Variants in ZNF665 observed in about 807,000 individuals in gnomAD.
ZNF665 encodes the protein zinc finger protein 665.
Under a neutral mutation model 7.9 loss-of-function variants are expected in ZNF665, and 6 were observed. The observed-to-expected ratio is 0.76, with a 90% confidence interval of 0.42 to 1.50. The LOEUF (loss-of-function observed/expected upper bound fraction) is 1.50. ZNF665 is among the 40% of genes most tolerant of loss of function. The pLI is 0.01. For synonymous variants in ZNF665, 242 were observed against 274.5 expected, an observed-to-expected ratio of 0.88 and a Z score of 1.17; for missense variants, 819 against 806.7, an observed-to-expected ratio of 1.02 and a Z score of -0.18.
At position 53,165,636 on chromosome 19, in the gene ZNF665, G is replaced by A; in HGVS notation, c.854C>T (p.Thr285Ile). 6.2e-7 allele frequency: 1 copy of A among 1,614,058 alleles called. No homozygotes were observed. The highest frequency in any genetic ancestry group is 8.5e-7 in the Non-Finnish European group (1 of 1,180,026). ...CTTACATTTGTAAGGTTTTTCTCCA[G>A]TATGGATGACCTGATGTGTAGTTAG... is the stretch of plus-strand genomic sequence containing the variant. ...SKLTTHQVIH[T>I]GEKPYKCKEC... is the part of the protein sequence containing the mutation. Residue 285 changes from threonine (T) to isoleucine (I), a missense_variant, in exon 4 of 4, where the codon ACT becomes ATT. Transcript: ENST00000396424.
chr19:53,162,954 C>T lies in ZNF665; in HGVS notation c.*1499G>A, dbSNP rs2090575325. The stretch of plus-strand genomic sequence containing the variant: ...TGCATTATTTGTACCACACATCAGT[C>T]CCTAATAAGCTATTACTCTCCTCTA... On this transcript the variant is annotated 3_prime_UTR_variant, in exon 4 of 4. Transcript: ENST00000396424. 1 of 152,162 alleles carries T rather than the reference C, an allele frequency of 6.6e-6. No homozygotes were observed. Among genetic ancestry groups the T allele is most frequent in the African/African-American group, 2.4e-5 (1 of 41,436 alleles). The allele number at this position is 152,162 out of a possible 1,614,324, so 9.4% of individuals were successfully genotyped here.
In ZNF665 at chr19:53,175,709, C is replaced by T. The variant is rs1033595410; in HGVS notation, c.16-138G>A. On this transcript the variant is annotated intron_variant, in intron 2 of 3. Coordinates refer to ENST00000396424, the MANE Select transcript of ZNF665 (RefSeq NM_024733.5). The stretch of plus-strand genomic sequence containing the variant: ...ACACATCCAGGCTGTGATCACGGTA[C>T]ATACAGATTTGATCTTCCTCCCCTT... 6.5e-5 allele frequency: 63 copies of T among 968,534 alleles called. 1 individual carries two copies. In the Middle Eastern group the frequency reaches 1.1e-3, roughly 18 times the overall value. The allele number at this position is 968,534 out of a possible 1,614,324, so 60.0% of individuals were successfully genotyped here.
rs560176422 is a variant in ZNF665, at chr19:53,165,903, T to G, written c.587A>C (p.His196Pro). ...CTTCTCTCCAGTATGAATTCTCTTA[T>G]GACTTGTTAGCCGTGAGTTTTGACT... ...VFSQNSRLTS[H>P]KRIHTGEKPY... is the part of the protein sequence containing the mutation. Residue 196 changes from histidine to proline, a missense_variant, in exon 4 of 4, where the codon CAT (histidine) becomes CCT (proline). Coordinates refer to ENST00000396424, the MANE Select transcript of ZNF665 (RefSeq NM_024733.5). 6.2e-7 allele frequency: 1 copy of G among 1,614,228 alleles called. No individual in the cohort carries two copies. The highest frequency in any genetic ancestry group is 8.5e-7 in the Non-Finnish European group (1 of 1,180,038).
chr19:53,185,431 C>T (rs368016860), intron 1 of ZNF665, among the ~76,000 whole-genome samples: 2 of 152,162 alleles, frequency 1.3e-5, no homozygotes, highest in African/African-American at 2.4e-5. Flanking sequence ...TTTTCCTAGG[C>T]TATGATTACA....
At chr19:53,168,055 CAAAAAAAAAAAAAAAA>C (rs57521729) in intron 3 of ZNF665, among the ~76,000 whole-genome samples, 2 of 66,402 alleles carry the variant, frequency 3.0e-5, no homozygotes, top group African/African-American at 1.1e-4. Flanking sequence ...GACTCCCTCT[CAAAAAAAAAAAAAAAA>C]AAAAAAAAAA....
chr19:53,176,138 G>A (rs34777090), intron 2 of ZNF665, among the ~76,000 whole-genome samples: 24,669 of 151,998 alleles, frequency 0.16, 2,305 homozygotes, highest in Middle Eastern at 0.21. Flanking sequence ...TGCAGCCTGG[G>A]TGACAGAGTG....
chr19:53,192,301 T>G (rs1296480743), intron 1 of ZNF665, among the ~76,000 whole-genome samples: 1 of 152,048 alleles, frequency 6.6e-6, no homozygotes, highest in Non-Finnish European at 1.5e-5. Context: ...GGTCTCCCCC[T>G]GCTGTGGTTC....
At chr19:53,169,407 T>G (rs1009848312) in intron 3 of ZNF665, among the ~76,000 whole-genome samples, 1 of 152,124 alleles carries the variant, frequency 6.6e-6, no homozygotes, top group Non-Finnish European at 1.5e-5. Context: ...ATACCAAGTG[T>G]TAACAAGGAT....
intron 3 of ZNF665, among the ~76,000 whole-genome samples, chr19:53,166,991 ATTTC>A (rs146474857): frequency 2.8e-4 from 42 of 150,784 alleles, no homozygotes; most frequent in East Asian, 1.4e-3. Flanking sequence ...TAACAGTTAT[ATTTC>A]TTTCTTTCTT....
intron 2 of ZNF665, among the ~76,000 whole-genome samples, chr19:53,180,369 G>A (rs2090729243): frequency 6.6e-6 from 1 of 151,726 alleles, no homozygotes; most frequent in Non-Finnish European, 1.5e-5. Flanking sequence ...GGAAGCAGAG[G>A]TTGCAGTGAG....
intron 1 of ZNF665, 95 bp downstream of exon 1, chr19:53,193,217 G>A (rs1162786494): frequency 6.6e-6 from 1 of 152,214 alleles, no homozygotes; most frequent in Non-Finnish European, 1.5e-5. Flanking sequence ...GGAGCCGTGC[G>A]GGGACTTTAA....
At chr19:53,191,857 T>C (rs2090819688) in intron 1 of ZNF665, 1 of 152,098 alleles carries the variant, frequency 6.6e-6, no homozygotes, top group South Asian at 2.1e-4. Flanking sequence ...AAAAAAAAAT[T>C]TGTTAGATTA....
Position 53,166,244 on chromosome 19 carries a change from G to T in ZNF665, c.246C>A (p.Asp82Glu). The T allele has an allele frequency of 6.2e-7, 1 of 1,613,940 alleles. No individual in the cohort carries two copies. ...CTTCCTGGAAGGACAAGCCTACAGT[G>T]TCACAGCTTTCAAGTCTCTCCAACT... ...TVKLERLESC[D>E]TVGLSFQEVQ... Residue 82 changes from aspartate to glutamate, a missense_variant, in exon 4 of 4, where the codon GAC becomes GAA. By Grantham distance (45) the Asp-to-Glu change is conservative. Transcript: ENST00000396424.
chr19:53,166,320 TC>T lies in ZNF665; in HGVS notation c.169del (p.Asp57IlefsTer17). The stretch of plus-strand genomic sequence containing the variant: ...ATTGTTCTTCCCCTTTGGTGGCAAA[TC>T]CGTGTTTACACATTTACAAGAGATA... ...LDISCKCVNT[D>X]LPPKGKNNMG... On this transcript the variant is annotated frameshift_variant, in exon 4 of 4. Transcript: ENST00000396424. LOFTEE classifies it low-confidence loss of function (END_TRUNC). 5 of 1,592,672 alleles carry T rather than the reference TC, an allele frequency of 3.1e-6. No individual in the cohort carries two copies. The highest frequency in any genetic ancestry group is 4.3e-6 in the Non-Finnish European group (5 of 1,170,892).
Position 53,178,222 on chromosome 19 carries a change from G to A in ZNF665, c.16-2651C>T, listed in dbSNP as rs569835713. The stretch of plus-strand genomic sequence containing the variant: ...TTTTGGAAGAATTCATTTATGTAAC[G>A]ACGTGTACCAATGTCTAATAGATTC... On this transcript the variant is annotated intron_variant, in intron 2 of 3. Transcript: ENST00000396424. Among the ~76,000 whole-genome samples the A allele has an allele frequency of 4.6e-5, 7 of 152,302 alleles. No homozygotes were observed. In the South Asian group the frequency reaches 6.2e-4, roughly 14 times the overall value.
rs1317836008 is a variant in ZNF665, at chr19:53,165,485, G to A, written c.1005C>T (p.Thr335=). 2 of 1,612,192 alleles carry A rather than the reference G, an allele frequency of 1.2e-6. No individual in the cohort carries two copies. The highest frequency in any genetic ancestry group is 2.7e-5 in the African/African-American group (2 of 74,318). Residue 335 remains threonine, a synonymous_variant, in exon 4 of 4, where the codon ACC becomes ACT. Coordinates refer to ENST00000396424, the MANE Select transcript of ZNF665 (RefSeq NM_024733.5). Reference sequence around the variant, plus strand: ...TTTCTCCAGTGTGGATTGTCTGATGGGTAGTCAGGCTTGAGCGAACACTAA... The same window carrying A: ...TTTCTCCAGTGTGGATTGTCTGATGAGTAGTCAGGCTTGAGCGAACACTAA... The part of the protein sequence containing the change: ...KAFSVRSSLT[T]HQTIHTGEKP...
chr19:53,192,706 T>C lies in ZNF665; in HGVS notation c.-46+606A>G, dbSNP rs529794963. Among the ~76,000 whole-genome samples, 7 of 152,218 alleles carry C rather than the reference T, an allele frequency of 4.6e-5. No individual in the cohort carries two copies. In the South Asian group the frequency reaches 1.5e-3, roughly 32 times the overall value. On this transcript the variant is annotated intron_variant, in intron 1 of 3. Coordinates refer to ENST00000396424, the MANE Select transcript of ZNF665 (RefSeq NM_024733.5). The stretch of plus-strand genomic sequence containing the variant: ...GAGGGTTTGGAGTAAGACACCTGGA[T>C]CCTGGAGGAGCACATTTTCCAGCGG...
At chr19:53,191,691 A>C (rs1488469077) in intron 1 of ZNF665, 1 of 152,224 alleles carries the variant, frequency 6.6e-6, no homozygotes, top group Non-Finnish European at 1.5e-5. Flanking sequence ...TAAAAATACA[A>C]AAGTTAGCCA....
chr19:53,169,178 T>C (rs780510071), intron 3 of ZNF665, among the ~76,000 whole-genome samples: 31 of 152,128 alleles, frequency 2.0e-4, no homozygotes, highest in Non-Finnish European at 3.8e-4. Flanking sequence ...AAAGACTTTG[T>C]ATCTGGAATA....
Sources: gnomAD v4.1 joint callset for allele counts (sites outside exome capture counted in the v4.1 genomes callset) on GRCh38, gnomAD v4.1.1 for gene constraint, MANE v1.5 for transcripts, NCBI Gene and HGNC (gene_info 2026-07-23, HGNC 2026-07-21) for gene names.